Variants in DNM3 observed in about 807,000 individuals in gnomAD.
DNM3 encodes dynamin-3.
In DNM3, 47 loss-of-function variants were observed where a neutral mutation model predicts 101.6. The observed-to-expected ratio is 0.46, with a 90% CI of 0.37 to 0.59. The LOEUF (loss-of-function observed/expected upper bound fraction) is 0.59. Ranked by LOEUF, DNM3 falls within the 20% of genes least tolerant of loss-of-function variation. The pLI, the probability that DNM3 is intolerant of heterozygous loss-of-function variation, is 0.00. For synonymous variants in DNM3, 385 were observed against 387.9 expected (o/e 0.99, Z 0.09); for missense variants, 849 against 1,085.7 (o/e 0.78, Z 3.06).
intron 16 of DNM3, among the ~76,000 whole-genome samples, chr1:172,313,588 G>A (rs528593638): frequency 6.6e-6 from 1 of 152,234 alleles, no homozygotes; most frequent in South Asian, 2.1e-4. Context: ...TGGATCCTGA[G>A]CCTGCCATTT....
chr1:171,959,366 C>T (rs551872580), intron 2 of DNM3, among the ~76,000 whole-genome samples: 7 of 151,924 alleles, frequency 4.6e-5, no homozygotes, highest in African/African-American at 1.7e-4. Context: ...GGCAAGATAT[C>T]CTCAGGTTTC....
intron 14 of DNM3, among the ~76,000 whole-genome samples, chr1:172,250,993 A>G (rs1200199527): frequency 3.3e-5 from 5 of 152,156 alleles, no homozygotes; most frequent in African/African-American, 4.8e-5. Flanking sequence ...ATTTCAACAT[A>G]TAATCAATTA....
intron 4 of DNM3, among the ~76,000 whole-genome samples, chr1:172,028,251 A>C (rs1185475754): frequency 1.3e-5 from 2 of 152,246 alleles, no homozygotes; most frequent in African/African-American, 4.8e-5. Flanking sequence ...ATTAGAACTC[A>C]GGATTAAGAA....
At chr1:171,996,648 C>T (rs2046014368) in intron 4 of DNM3, among the ~76,000 whole-genome samples, 2 of 152,170 alleles carry the variant, frequency 1.3e-5, no homozygotes, top group Admixed American at 6.6e-5. Context: ...CTTCTTTGAA[C>T]CTTATTACTT....
intron 17 of DNM3, among the ~76,000 whole-genome samples, chr1:172,337,280 C>G (rs2066474905): frequency 6.6e-6 from 1 of 152,172 alleles, no homozygotes; most frequent in South Asian, 2.1e-4. Context: ...CCAGTCTTCC[C>G]TAAACACTGT....
chr1:172,418,269 TGTTTTTACTAG>T lies in DNM3; in HGVS notation c.2541-10_2541del. 7.8e-7 allele frequency: 1 copy of T among 1,288,978 alleles called. No homozygotes were observed. Among genetic ancestry groups the T allele is most frequent in the Non-Finnish European group, 1.0e-6 (1 of 988,580 alleles). 79.8% of individuals were successfully genotyped at this position (1,288,978 alleles called of 1,614,324 possible). On this transcript the variant is annotated splice_acceptor_variant and splice_polypyrimidine_tract_variant and intron_variant, in intron 20 of 20. Coordinates refer to the DNM3 transcript ENST00000485254. LOFTEE classifies it high-confidence loss of function. The stretch of plus-strand genomic sequence containing the variant: ...TTTGTTATTTTGTTTTGTTTTGTTT[TGTTTTTACTAG>T]GCGACCCCCTCCTGCAGTTCCAGGA...
intron 14 of DNM3, among the ~76,000 whole-genome samples, chr1:172,227,488 T>G (rs1032254281): frequency 6.6e-6 from 1 of 151,870 alleles, no homozygotes; most frequent in African/African-American, 2.4e-5. Context: ...GATATACTTT[T>G]GTTTGAGAGA....
intron 18 of DNM3, chr1:172,386,928 G>A: frequency 1.9e-6 from 1 of 524,880 alleles, no homozygotes; most frequent in Admixed American, 3.2e-5. Context: ...ACAGCCAAAA[G>A]ACAGAGGGAA....
At chr1:172,087,006 G>A (rs1241105945) in intron 12 of DNM3, among the ~76,000 whole-genome samples, 1 of 152,084 alleles carries the variant, frequency 6.6e-6, no homozygotes, top group Non-Finnish European at 1.5e-5. Context: ...GCCTTAGTCT[G>A]TGTTCCATTC....
At position 171,947,027 on chromosome 1, in the gene DNM3, G is replaced by A. The variant is rs190148585; in HGVS notation, c.235+25206G>A. Among the ~76,000 whole-genome samples the A allele has an allele frequency of 3.3e-3, 501 of 152,270 alleles. 3 individuals are homozygous for A. The highest frequency in any genetic ancestry group is 6.0e-3 in the Non-Finnish European group (411 of 68,018). On this transcript the variant is annotated intron_variant, in intron 2 of 20. Transcript: ENST00000627582. ...ATCAGATTTTAACATGAGACTTGGT[G>A]GGACCAAACAAACGATATGCAAACC...
At chr1:172,150,721 C>G (rs563406705) in intron 14 of DNM3, among the ~76,000 whole-genome samples, 2 of 152,134 alleles carry the variant, frequency 1.3e-5, no homozygotes, top group Non-Finnish European at 2.9e-5. Context: ...TATGATGCTT[C>G]CTTGGCAAAT....
At chr1:172,252,938 C>T (rs1267592613) in intron 14 of DNM3, among the ~76,000 whole-genome samples, 1 of 152,080 alleles carries the variant, frequency 6.6e-6, no homozygotes, top group Non-Finnish European at 1.5e-5. Flanking sequence ...AAGAGCTCAA[C>T]AATTTTATGG....
intron 17 of DNM3, among the ~76,000 whole-genome samples, chr1:172,361,847 C>T (rs1166781954): frequency 2.0e-5 from 3 of 151,972 alleles, no homozygotes; most frequent in African/African-American, 7.2e-5. Context: ...CTTTTTCTGT[C>T]CTTCCAACCG....
chr1:171,890,959 G>A (rs1026015351), intron 1 of DNM3, among the ~76,000 whole-genome samples: 3 of 152,132 alleles, frequency 2.0e-5, no homozygotes, highest in Non-Finnish European at 4.4e-5. Flanking sequence ...TGAGCCACTG[G>A]CACCCAACTG....
intron 1 of DNM3, among the ~76,000 whole-genome samples, chr1:171,845,090 T>G (rs2031858788): frequency 6.6e-6 from 1 of 152,108 alleles, no homozygotes; most frequent in African/African-American, 2.4e-5. Flanking sequence ...ATAATTTAAT[T>G]TAATATAAAA....
chr1:172,287,319 T>C (rs2063739040), intron 15 of DNM3, among the ~76,000 whole-genome samples: 1 of 152,358 alleles, frequency 6.6e-6, no homozygotes, highest in African/African-American at 2.4e-5. Context: ...CTATTTTCTT[T>C]ATGACCTTTT....
At chr1:172,325,148 A>G (rs545815654) in intron 17 of DNM3, among the ~76,000 whole-genome samples, 177 of 152,336 alleles carry the variant, frequency 1.2e-3, no homozygotes, top group African/African-American at 4.0e-3. Flanking sequence ...AATACATTTT[A>G]CTGATTTTCA....
At chr1:172,185,523 G>A (rs895748091) in intron 14 of DNM3, among the ~76,000 whole-genome samples, 1 of 152,036 alleles carries the variant, frequency 6.6e-6, no homozygotes, top group Non-Finnish European at 1.5e-5. Context: ...GCTTGGCAGA[G>A]GAAAGGCTGA....
At position 172,176,062 on chromosome 1, in the gene DNM3, G is replaced by A. The variant is rs115182145; in HGVS notation, c.1659+44774G>A. On this transcript the variant is annotated intron_variant, in intron 14 of 20. Transcript: ENST00000627582. ...AACCTGTAAATATGTTATCTTATAT[G>A]GCAGAAGTGACTTTGCACACGTGAT... is the stretch of plus-strand genomic sequence containing the variant. Among the ~76,000 whole-genome samples, 566 of 151,914 alleles carry A rather than the reference G, an allele frequency of 3.7e-3. 9 individuals carry two copies. The highest frequency in any genetic ancestry group is 0.013 in the African/African-American group (540 of 41,498).
Sources: allele counts gnomAD v4.1 joint callset (sites outside exome capture counted in the v4.1 genomes callset), GRCh38; gene constraint gnomAD v4.1.1; transcripts MANE v1.5; gene names NCBI Gene and HGNC (gene_info 2026-07-23, HGNC 2026-07-21).